PSMF1: variants seen among roughly 807,000 people sequenced by gnomAD.
PSMF1 encodes the protein proteasome inhibitor subunit 1.
PSMF1 carries 30 observed loss-of-function variants against 29.3 expected under a neutral mutation model. The ratio of observed to expected loss-of-function variants is 1.02; its 90% confidence interval spans 0.77 to 1.39. The LOEUF is 1.39. Ranked by LOEUF, PSMF1 falls within the 40% of genes most tolerant of loss-of-function variation. PSMF1 has a pLI of 0.00. For synonymous variants in PSMF1, 134 were observed against 139.7 expected (o/e 0.96, Z 0.29); for missense variants, 344 against 357.5 (o/e 0.96, Z 0.31).
At chr20:1,154,153 C>T (rs953789519) in intron 4 of PSMF1, among the ~76,000 whole-genome samples, 1 of 152,188 alleles carries the variant, frequency 6.6e-6, no homozygotes, top group Admixed American at 6.5e-5. Flanking sequence ...AGTATTGTTA[C>T]AGTCACATTA....
chr20:1,129,346 C>T (rs755505863), intron 3 of PSMF1, among the ~76,000 whole-genome samples: 15 of 152,158 alleles, frequency 9.9e-5, no homozygotes, highest in Middle Eastern at 3.2e-3. Context: ...AAACCTTAAC[C>T]GAACCTCAGA....
At chr20:1,119,312 C>G (rs570086149) in intron 1 of PSMF1, among the ~76,000 whole-genome samples, 1 of 152,134 alleles carries the variant, frequency 6.6e-6, no homozygotes, top group East Asian at 1.9e-4. Flanking sequence ...CTCAGTTCCG[C>G]CCTCATACCA....
intron 4 of PSMF1, among the ~76,000 whole-genome samples, chr20:1,139,999 G>T (rs1219412649): frequency 1.3e-5 from 2 of 152,202 alleles, no homozygotes; most frequent in Admixed American, 1.3e-4. Context: ...CGGCTAGGAA[G>T]AATTAATATT....
rs1408984220 is a variant in PSMF1, at chr20:1,170,010, G to A, written c.*4930G>A. On this transcript the variant is annotated 3_prime_UTR_variant, in exon 7 of 7. Coordinates refer to ENST00000335877, the MANE Select transcript of PSMF1 (RefSeq NM_006814.5). ...CTAAGTACACATTAGTACATGCTGG[G>A]CCCCAATCTAGATCTCAAGGGAACG... Among the ~76,000 whole-genome samples the A allele has an allele frequency of 6.6e-6, 1 of 152,100 alleles. No individual in the cohort carries two copies. The highest frequency in any genetic ancestry group is 2.4e-5 in the African/African-American group (1 of 41,420).
rs1944739386 is a variant in PSMF1, at chr20:1,161,766, A to C, written c.552-1364A>C. Reference sequence around the variant, plus strand: ...TCACACGTATAAATTTGCCCCTGACAAATGTATACACCTCATGCCAGCCTC... The same window carrying C: ...TCACACGTATAAATTTGCCCCTGACCAATGTATACACCTCATGCCAGCCTC... On this transcript the variant is annotated intron_variant, in intron 4 of 6. Transcript: ENST00000335877. The C allele has an allele frequency of 8.9e-6, 4 of 450,998 alleles. No homozygotes were observed. The South Asian group carries it at 1.1e-4, about 13-fold the overall frequency. 27.9% of individuals were successfully genotyped at this position (450,998 alleles called of 1,614,324 possible).
upstream of PSMF1, among the ~76,000 whole-genome samples, chr20:1,116,472 A>G (rs1339315098): frequency 6.6e-6 from 1 of 152,208 alleles, no homozygotes; most frequent in African/African-American, 2.4e-5. Context: ...TGGTTGTCTC[A>G]AGGAAACTTT....
chr20:1,120,926 T>G (rs1455072117), intron 1 of PSMF1, among the ~76,000 whole-genome samples: 2 of 152,194 alleles, frequency 1.3e-5, no homozygotes, highest in Non-Finnish European at 2.9e-5. Context: ...CTCCTTGCCA[T>G]TCCACAAATA....
At position 1,166,413 on chromosome 20, in the gene PSMF1, A is replaced by G. The variant is rs45560131; in HGVS notation, c.*1333A>G. The G allele has an allele frequency of 0.027, 22,044 of 816,450 alleles. 406 individuals carry two copies. Among genetic ancestry groups the G allele is most frequent in the Non-Finnish European group, 0.036 (17,718 of 499,018 alleles). 50.6% of individuals were successfully genotyped at this position (816,450 alleles called of 1,614,324 possible). A position where few individuals can be genotyped will look rare whatever the true frequency, so the allele number is the denominator to read the frequency against. On this transcript the variant is annotated 3_prime_UTR_variant, in exon 7 of 7. Transcript: ENST00000335877. Reference sequence around the variant, plus strand: ...GATTCCTTCCCCTAAATTAGGACCTATTATTTACCTGTAGGTAAGCAAGCT... The same window carrying G: ...GATTCCTTCCCCTAAATTAGGACCTGTTATTTACCTGTAGGTAAGCAAGCT...
chr20:1,114,321 C>T (rs764123755), upstream of PSMF1, among the ~76,000 whole-genome samples: 6 of 152,166 alleles, frequency 3.9e-5, no homozygotes, highest in Non-Finnish European at 8.8e-5. Context: ...TCCTGTCTCA[C>T]TTCCCTACTC....
intron 2 of PSMF1, among the ~76,000 whole-genome samples, chr20:1,126,544 C>A (rs921944635): frequency 6.6e-6 from 1 of 152,046 alleles, no homozygotes; most frequent in African/African-American, 2.4e-5. Context: ...ACAACAAAAA[C>A]CTCTTGGGTT....
chr20:1,118,928 G>A (rs2086046350), intron 1 of PSMF1, 26 bp downstream of exon 1: 4 of 1,612,388 alleles, frequency 2.5e-6, no homozygotes, highest in East Asian at 2.2e-5. Flanking sequence ...GGCCAGGGTG[G>A]AGGAGGGAAC....
intron 4 of PSMF1, 113 bp downstream of exon 4, chr20:1,135,419 T>C (rs762555885): frequency 1.7e-6 from 2 of 1,154,860 alleles, no homozygotes; most frequent in Non-Finnish European, 2.4e-6. Context: ...TTCAACAAAA[T>C]GATCAGTGTC....
intron 4 of PSMF1, among the ~76,000 whole-genome samples, chr20:1,136,510 T>C (rs1009522037): frequency 1.3e-5 from 2 of 152,238 alleles, no homozygotes; most frequent in African/African-American, 4.8e-5. Context: ...CTGTGAAATA[T>C]CCCTTACTAT....
intron 4 of PSMF1, among the ~76,000 whole-genome samples, chr20:1,154,579 A>T (rs2086570334): frequency 6.6e-6 from 1 of 152,242 alleles, no homozygotes; most frequent in South Asian, 2.1e-4. Context: ...TTCATGGCTG[A>T]ATTTGTACTC....
Position 1,164,510 on chromosome 20 carries a change from A to G in PSMF1, c.764+34A>G, listed in dbSNP as rs772854147. 2 of 1,609,172 alleles carry G rather than the reference A, an allele frequency of 1.2e-6. No homozygotes were observed. Among genetic ancestry groups the G allele is most frequent in the African/African-American group, 2.7e-5 (2 of 74,806 alleles). ...TCACTCAGGTATGCTGAGAAGTAGG[A>G]CCTGATGGCAGCTTGGTTCAGTGTG... On this transcript the variant is annotated intron_variant, in intron 6 of 6. Transcript: ENST00000335877. The surrounding 1 kb of genome is among the most constrained non-coding windows in gnomAD (Gnocchi z 4.1).
In PSMF1 at chr20:1,170,270, G is replaced by A. The variant is rs910193476; in HGVS notation, c.*5190G>A. Among the ~76,000 whole-genome samples, 1 of 152,184 alleles carries A rather than the reference G, an allele frequency of 6.6e-6. No homozygotes were observed. Among genetic ancestry groups the A allele is most frequent in the African/African-American group, 2.4e-5 (1 of 41,428 alleles). ...TTTGTGTAAACTTAAAGTGAGAGAA[G>A]CTCACATGGACTATGTCTTTTTCCT... On this transcript the variant is annotated 3_prime_UTR_variant, in exon 7 of 7. Transcript: ENST00000335877.
chr20:1,122,982 G>C (rs889020853), intron 1 of PSMF1, among the ~76,000 whole-genome samples: 2 of 152,158 alleles, frequency 1.3e-5, no homozygotes, highest in African/African-American at 4.8e-5. Flanking sequence ...TCAAATTCCT[G>C]GCTTCCAAAG....
At chr20:1,147,700 C>T (rs1051565919) in intron 4 of PSMF1, among the ~76,000 whole-genome samples, 4 of 152,194 alleles carry the variant, frequency 2.6e-5, no homozygotes, top group Non-Finnish European at 5.9e-5. Context: ...CCTCTGCCCC[C>T]ACTCCCTGCT....
intron 3 of PSMF1, among the ~76,000 whole-genome samples, chr20:1,132,115 T>C (rs2086237387): frequency 6.6e-6 from 1 of 152,202 alleles, no homozygotes; most frequent in Non-Finnish European, 1.5e-5. Context: ...TCCATTGATC[T>C]CTATGTCTCT....
Sources: allele counts gnomAD v4.1 joint callset (sites outside exome capture counted in the v4.1 genomes callset), GRCh38; gene constraint gnomAD v4.1.1; non-coding constraint Gnocchi (gnomAD v3.1); transcripts MANE v1.5; gene names NCBI Gene and HGNC (gene_info 2026-07-23, HGNC 2026-07-21).